The following ASAP1 variants were observed in gnomAD, a reference collection of about 807,000 sequenced individuals.
ASAP1 encodes the protein ArfGAP with SH3 domain, ankyrin repeat and PH domain 1.
In ASAP1, 43 loss-of-function variants were observed where a neutral mutation model predicts 145.2. The ratio of observed to expected loss-of-function variants is 0.30; its 90% CI spans 0.23 to 0.38. The LOEUF is 0.38. ASAP1 is among the 10% of genes least tolerant of loss of function. The pLI is 1.00. For missense variants in ASAP1, 1,018 were observed against 1,355.3 expected, an observed-to-expected ratio of 0.75 and a Z score of 3.91; for synonymous variants, 546 against 515.5, an observed-to-expected ratio of 1.06 and a Z score of -0.80.
At chr8:130,295,849 G>A (rs1822239597) in intron 3 of ASAP1, among the ~76,000 whole-genome samples, 1 of 152,162 alleles carries the variant, frequency 6.6e-6, no homozygotes. Context: ...CCAGATCTTA[G>A]CTATGCTACA....
intron 4 of ASAP1, among the ~76,000 whole-genome samples, chr8:130,230,251 T>C (rs1817832209): frequency 2.0e-5 from 3 of 151,608 alleles, no homozygotes; most frequent in South Asian, 4.3e-4. Context: ...AGAGCACTCA[T>C]TCTACAACCA....
At chr8:130,143,467 G>C (rs1217010260) in intron 13 of ASAP1, among the ~76,000 whole-genome samples, 1 of 146,750 alleles carries the variant, frequency 6.8e-6, no homozygotes, top group Non-Finnish European at 1.5e-5. Flanking sequence ...TTTGTAAACT[G>C]TTTTTCCCAA....
chr8:130,427,445 A>G (rs577577348), intron 1 of ASAP1, among the ~76,000 whole-genome samples: 1 of 152,346 alleles, frequency 6.6e-6, no homozygotes, highest in African/African-American at 2.4e-5. Context: ...CGAGAATCCC[A>G]CATGTGGACA....
chr8:130,125,089 A>G (rs2097572868), intron 17 of ASAP1, among the ~76,000 whole-genome samples: 2 of 152,216 alleles, frequency 1.3e-5, no homozygotes, highest in Admixed American at 1.3e-4. Context: ...GGCTAATGAT[A>G]AGCTAGACTT....
chr8:130,429,969 T>G (rs942061850), intron 1 of ASAP1, among the ~76,000 whole-genome samples: 2 of 152,202 alleles, frequency 1.3e-5, no homozygotes, highest in Non-Finnish European at 1.5e-5. Context: ...CGTGCCCCAG[T>G]AGATGGCTCC....
At chr8:130,184,522 G>C (rs1031504796) in intron 7 of ASAP1, among the ~76,000 whole-genome samples, 1 of 152,174 alleles carries the variant, frequency 6.6e-6, no homozygotes, top group African/African-American at 2.4e-5. Flanking sequence ...TGTACCATTA[G>C]GTATGACATA....
At chr8:130,145,907 T>C (rs1300994334) in intron 13 of ASAP1, among the ~76,000 whole-genome samples, 1 of 150,406 alleles carries the variant, frequency 6.6e-6, no homozygotes, top group Non-Finnish European at 1.5e-5. Flanking sequence ...GGTGGTGTGA[T>C]CTCGGCTCAT....
chr8:130,114,501 G>A (rs1056226609), intron 23 of ASAP1, among the ~76,000 whole-genome samples: 2 of 152,192 alleles, frequency 1.3e-5, no homozygotes, highest in African/African-American at 4.8e-5. Context: ...GAAGGCCTAG[G>A]ACATTACTGT....
At chr8:130,267,378 GACTT>G (rs1381244065) in intron 3 of ASAP1, among the ~76,000 whole-genome samples, 2 of 152,174 alleles carry the variant, frequency 1.3e-5, no homozygotes, top group East Asian at 1.9e-4. Flanking sequence ...TGACAGCTAA[GACTT>G]ACTGAGTACT....
chr8:130,438,519 G>C (rs1332588493), intron 1 of ASAP1, among the ~76,000 whole-genome samples: 3 of 152,186 alleles, frequency 2.0e-5, no homozygotes, highest in Non-Finnish European at 4.4e-5. Context: ...GAAATGGACT[G>C]GGGGCAGACT....
chr8:130,354,142 G>A (rs1288718084), intron 3 of ASAP1, among the ~76,000 whole-genome samples: 1 of 151,946 alleles, frequency 6.6e-6, no homozygotes, highest in African/African-American at 2.4e-5. Context: ...TGCCCACCTC[G>A]GCCTCCCAAA....
intron 13 of ASAP1, among the ~76,000 whole-genome samples, chr8:130,140,868 C>T (rs1202653886): frequency 1.3e-5 from 2 of 152,172 alleles, no homozygotes; most frequent in Non-Finnish European, 2.9e-5. Context: ...GCTGAGCCCA[C>T]GAATACCAGA....
At chr8:130,338,823 T>C (rs936745389) in intron 3 of ASAP1, among the ~76,000 whole-genome samples, 1 of 152,210 alleles carries the variant, frequency 6.6e-6, no homozygotes, top group Admixed American at 6.5e-5. Flanking sequence ...GGCTGCCTTG[T>C]TGCTTCAGTG....
chr8:130,208,198 T>C (rs1288953885), intron 5 of ASAP1, among the ~76,000 whole-genome samples: 1 of 152,184 alleles, frequency 6.6e-6, no homozygotes, highest in African/African-American at 2.4e-5. Flanking sequence ...TGTTAAACAG[T>C]ACATTATCAA....
chr8:130,207,822 T>C (rs1049566518), intron 5 of ASAP1, among the ~76,000 whole-genome samples: 1 of 152,142 alleles, frequency 6.6e-6, no homozygotes, highest in Non-Finnish European at 1.5e-5. Context: ...TGGGAGGAAA[T>C]AGCTAATCAT....
At chr8:130,193,037 G>T (rs1815247282) in intron 5 of ASAP1, among the ~76,000 whole-genome samples, 2 of 152,062 alleles carry the variant, frequency 1.3e-5, no homozygotes, top group Non-Finnish European at 2.9e-5. Flanking sequence ...TGTGATAAAA[G>T]CAAGGTATAA....
At chr8:130,222,904 C>A (rs1381302447) in intron 4 of ASAP1, among the ~76,000 whole-genome samples, 1 of 152,106 alleles carries the variant, frequency 6.6e-6, no homozygotes, top group Non-Finnish European at 1.5e-5. Flanking sequence ...GCAGGAGCCT[C>A]TAGAAGTCTT....
In ASAP1 at chr8:130,223,479, T is replaced by C. The variant is rs146620949; in HGVS notation, c.260-8778A>G. On this transcript the variant is annotated intron_variant, in intron 4 of 29. Transcript: ENST00000518721. ...TTCAGAGCTGAAGTTCTGATGCTAATGGATGCTAATTTAAACATGGTATTT... is the reference window on the plus strand; with the variant it reads ...TTCAGAGCTGAAGTTCTGATGCTAACGGATGCTAATTTAAACATGGTATTT... Among the ~76,000 whole-genome samples, 95 of 152,344 alleles carry C rather than the reference T, an allele frequency of 6.2e-4. 1 individual carries two copies. Among genetic ancestry groups the C allele is most frequent in the African/African-American group, 2.1e-3 (89 of 41,574 alleles).
intron 3 of ASAP1, among the ~76,000 whole-genome samples, chr8:130,301,583 TATTG>T (rs1335809243): frequency 2.0e-5 from 3 of 152,332 alleles, no homozygotes; most frequent in African/African-American, 7.2e-5. Flanking sequence ...TTTCTTTATA[TATTG>T]ATTAAATATA....
Sources: allele counts gnomAD v4.1 joint callset (sites outside exome capture counted in the v4.1 genomes callset), GRCh38; gene constraint gnomAD v4.1.1; transcripts MANE v1.5; gene names NCBI Gene and HGNC (gene_info 2026-07-23, HGNC 2026-07-21).